Variants in ZNF557 observed in about 807,000 individuals in gnomAD.
ZNF557 encodes zinc finger protein 557.
A neutral mutation model predicts 21.2 loss-of-function variants in ZNF557; 19 were observed. The ratio of observed to expected loss-of-function variants is 0.90; its 90% CI spans 0.63 to 1.32. The LOEUF is 1.32. Among genes scored for constraint, ZNF557 ranks in the 40% most tolerant of loss-of-function variants. The pLI is 0.00. For missense variants in ZNF557, 487 were observed against 519.8 expected, an observed-to-expected ratio of 0.94 and a Z score of 0.61; for synonymous variants, 207 against 194.8, an observed-to-expected ratio of 1.06 and a Z score of -0.52.
At position 7,075,037 on chromosome 19, in the gene ZNF557, C is replaced by A. The variant is rs369534391; in HGVS notation, c.-38C>A. The A allele has an allele frequency of 1.2e-6, 2 of 1,613,888 alleles. No homozygotes were observed. Among genetic ancestry groups the A allele is most frequent in the African/African-American group, 2.7e-5 (2 of 74,900 alleles). ...CGCTGCGGGATAAAGGAGGAGCGTC[C>A]TGCTTCCCGGCTGCCCTGTTGCTGT... On this transcript the variant is annotated 5_prime_UTR_variant, in exon 3 of 8. In the 5' UTR this introduces an upstream ATG that the reference lacks. Transcript: ENST00000252840.
At chr19:7,075,778 C>T (rs1977576428) in intron 4 of ZNF557, 35 bp downstream of exon 4, 1 of 1,606,770 alleles carries the variant, frequency 6.2e-7, no homozygotes, top group Non-Finnish European at 8.5e-7. Flanking sequence ...AATCATGATT[C>T]CTTCAGCCAG....
At chr19:7,076,999 T>G (rs1977597049) in intron 5 of ZNF557, among the ~76,000 whole-genome samples, 1 of 152,054 alleles carries the variant, frequency 6.6e-6, no homozygotes, top group African/African-American at 2.4e-5. Flanking sequence ...CCTCCTGCCT[T>G]AGCTTCCCAA....
chr19:7,073,687 C>CGA (rs1977510761), intron 2 of ZNF557, among the ~76,000 whole-genome samples: 1 of 152,070 alleles, frequency 6.6e-6, no homozygotes, highest in Non-Finnish European at 1.5e-5. Flanking sequence ...CAAGTACCAG[C>CGA]GAACAACTGG....
At chr19:7,077,132 CTTTTTTTTTTTTTTTT>C (rs4031071) in intron 5 of ZNF557, among the ~76,000 whole-genome samples, 2 of 78,368 alleles carry the variant, frequency 2.6e-5, no homozygotes, top group African/African-American at 5.2e-5. Flanking sequence ...TGTTTTCTTT[CTTTTTTTTTTTTTTTT>C]TTTTTGAGAT....
At position 7,083,737 on chromosome 19, in the gene ZNF557, A is replaced by G. The variant is rs770331378; in HGVS notation, c.1286A>G (p.Gln429Arg). 1 of 1,598,462 alleles carries G rather than the reference A, an allele frequency of 6.3e-7. No homozygotes were observed. Among genetic ancestry groups the G allele is most frequent in the Admixed American group, 1.7e-5 (1 of 58,188 alleles). ...LSVHTRMHNR[Q>R]M is the part of the protein sequence containing the mutation. ...GTGCATACGAGAATGCATAATAGGC[A>G]AATGTGAATTCAATAACTGTGGGAA... Residue 429 changes from glutamine to arginine, a missense_variant, in exon 8 of 8, where the codon CAA becomes CGA. Coordinates refer to ENST00000252840, the MANE Select transcript of ZNF557 (RefSeq NM_024341.3).
At chr19:7,080,172 C>A (rs1977669344) in intron 5 of ZNF557, among the ~76,000 whole-genome samples, 2 of 152,108 alleles carry the variant, frequency 1.3e-5, no homozygotes, top group Admixed American at 6.5e-5. Flanking sequence ...GGCGTGGTGG[C>A]AAATGCTTGT....
intron 6 of ZNF557, 119 bp from the exon 7 acceptor site, chr19:7,081,851 C>A: frequency 1.4e-6 from 1 of 730,844 alleles, no homozygotes; most frequent in Non-Finnish European, 2.3e-6. Flanking sequence ...CGAATGCCTT[C>A]TCAAAAACCC....
At chr19:7,078,427 A>G (rs1371711152) in intron 5 of ZNF557, among the ~76,000 whole-genome samples, 3 of 148,960 alleles carry the variant, frequency 2.0e-5, no homozygotes, top group Non-Finnish European at 1.5e-5. Context: ...TTATTTTTAC[A>G]TATATTCCTT....
chr19:7,074,786 G>A (rs1264884693), intron 2 of ZNF557, among the ~76,000 whole-genome samples: 8 of 75,376 alleles, frequency 1.1e-4, no homozygotes, highest in African/African-American at 4.1e-4. Flanking sequence ...GGCAGGGCAC[G>A]GACTGGAGGG....
intron 4 of ZNF557, 113 bp from the exon 5 acceptor site, chr19:7,076,268 C>T: frequency 6.2e-7 from 1 of 1,605,868 alleles, no homozygotes; most frequent in Non-Finnish European, 8.5e-7. Flanking sequence ...CAGAATCCCC[C>T]CACATCTCGT....
Position 7,083,665 on chromosome 19 carries a change from A to G in ZNF557, c.1214A>G (p.Glu405Gly), listed in dbSNP as rs1408288312. 1.2e-6 allele frequency: 2 copies of G among 1,613,964 alleles called. No individual in the cohort carries two copies. The highest frequency in any genetic ancestry group is 2.7e-5 in the African/African-American group (2 of 74,928). Residue 405 changes from glutamate to glycine, a missense_variant, in exon 8 of 8, where the codon GAA becomes GGA. Physicochemically the swap from Glu to Gly is moderately conservative, Grantham distance 98 (BLOSUM62 -2). Coordinates refer to ENST00000252840, the MANE Select transcript of ZNF557 (RefSeq NM_024341.3). ...MRTHTGKKPY[E>G]CNYCGKSFTS... ...ACTCACACTGGAAAAAAACCCTATGAATGTAATTATTGCGGGAAATCCTTC... is the reference window on the plus strand; with the variant it reads ...ACTCACACTGGAAAAAAACCCTATGGATGTAATTATTGCGGGAAATCCTTC...
chr19:7,071,564 G>GAGCAGTGGCTCA (rs1430531960), intron 2 of ZNF557, among the ~76,000 whole-genome samples: 1 of 152,162 alleles, frequency 6.6e-6, no homozygotes, highest in African/African-American at 2.4e-5. Context: ...TTGTGGCCAG[G>GAGCAGTGGCTCA]AGCAGTGGCT....
Position 7,083,460 on chromosome 19 carries a change from C to T in ZNF557, c.1009C>T (p.Gln337Ter), listed in dbSNP as rs759243226. 6.2e-7 allele frequency: 1 copy of T among 1,614,216 alleles called. No individual in the cohort carries two copies. The highest frequency in any genetic ancestry group is 8.5e-7 in the Non-Finnish European group (1 of 1,180,038). ...RTFRRRSNLT[Q>*]HIRTHTGEKP... ...CTTCAGGAGGAGGTCGAATCTGACA[C>T]AGCACATAAGAACTCATACTGGAGA... Residue 337 changes from glutamine (Q) to a stop codon, truncating the protein, a stop_gained, in exon 8 of 8, where the codon CAG (glutamine) becomes TAG (stop). Transcript: ENST00000252840. LOFTEE classifies it low-confidence loss of function (END_TRUNC).
In ZNF557 at chr19:7,082,900, C is replaced by T. The variant is rs778407819; in HGVS notation, c.449C>T (p.Thr150Ile). The T allele has an allele frequency of 1.9e-6, 3 of 1,593,142 alleles. No individual in the cohort carries two copies. The highest frequency in any genetic ancestry group is 2.6e-6 in the Non-Finnish European group (3 of 1,168,322). The change falls in exon 8 of 8, where the codon ACA (threonine) becomes ATA (isoleucine). Residue 150 changes from threonine to isoleucine, a missense_variant. By Grantham distance (89) the Thr-to-Ile change is moderately conservative (BLOSUM62 -1). Transcript: ENST00000252840. ...TAGGAGAGGAATCATCTTGGAGCAA[C>T]ACTCAACGAATGTAATCAGTGTTTT... The part of the protein sequence containing the change: ...MKMERNHLGA[T>I]LNECNQCFKV...
At chr19:7,071,302 G>A (rs180687325) in intron 2 of ZNF557, among the ~76,000 whole-genome samples, 408 of 152,072 alleles carry the variant, frequency 2.7e-3, no homozygotes, top group African/African-American at 7.9e-3. Flanking sequence ...TAATAAGGTA[G>A]CTGCTGGTCC....
At chr19:7,075,612 C>T in intron 3 of ZNF557, 43 bp from the exon 4 acceptor site, 1 of 1,597,932 alleles carries the variant, frequency 6.3e-7, no homozygotes, top group Non-Finnish European at 8.6e-7. Context: ...TGAGTGGACA[C>T]AGGGCAGGTG....
At chr19:7,081,218 G>T in intron 5 of ZNF557, 142 bp from the exon 6 acceptor site, 29 of 467,522 alleles carry the variant, frequency 6.2e-5, no homozygotes, top group Non-Finnish European at 8.1e-5. Context: ...TAAGACGGTT[G>T]CTATATTTAT....
intron 2 of ZNF557, among the ~76,000 whole-genome samples, chr19:7,073,787 T>G (rs1977513700): frequency 6.6e-6 from 1 of 152,118 alleles, no homozygotes; most frequent in African/African-American, 2.4e-5. Flanking sequence ...ATAAATTCCC[T>G]GGGCAAGAGA....
At chr19:7,069,838 C>T in intron 1 of ZNF557, 65 bp downstream of exon 1, 1 of 152,440 alleles carries the variant, frequency 6.6e-6, no homozygotes, top group Non-Finnish European at 1.5e-5. Flanking sequence ...GCCGGGTTTC[C>T]GCCCCTGAGG....
Sources: gnomAD v4.1 joint callset for allele counts (sites outside exome capture counted in the v4.1 genomes callset) on GRCh38, gnomAD v4.1.1 for gene constraint, MANE v1.5 for transcripts, NCBI Gene and HGNC (gene_info 2026-07-23, HGNC 2026-07-21) for gene names.